Variants in TMEM117 observed in about 807,000 individuals in gnomAD.
TMEM117 encodes the protein transmembrane protein 117.
A neutral mutation model predicts 52.4 loss-of-function variants in TMEM117; 27 were observed. That is an observed-to-expected ratio of 0.51 (90% CI 0.38 to 0.71). The LOEUF is 0.71. TMEM117 is among the 30% of genes least tolerant of loss of function. The pLI is 0.00. For missense variants in TMEM117, 556 were observed against 630.5 expected (o/e 0.88, Z 1.26); for synonymous variants, 215 against 206.3 (o/e 1.04, Z -0.36).
At chr12:44,212,866 A>G (rs775486018) in intron 5 of TMEM117, among the ~76,000 whole-genome samples, 4 of 152,080 alleles carry the variant, frequency 2.6e-5, no homozygotes, top group Admixed American at 2.0e-4. Context: ...TATACACTCT[A>G]TGTTATCTTT....
intron 5 of TMEM117, among the ~76,000 whole-genome samples, chr12:44,213,377 A>G (rs569762270): frequency 2.0e-5 from 3 of 152,338 alleles, no homozygotes; most frequent in Non-Finnish European, 4.4e-5. Context: ...AGAAGAACAT[A>G]CAGTTCTTGG....
At chr12:44,211,088 G>A (rs1355466849) in intron 4 of TMEM117, among the ~76,000 whole-genome samples, 1 of 152,060 alleles carries the variant, frequency 6.6e-6, no homozygotes, top group Non-Finnish European at 1.5e-5. Flanking sequence ...GACTTTAAAT[G>A]TGCTCATTCT....
Position 44,211,399 on chromosome 12 carries a change from T to G in TMEM117, c.608+12T>G. On this transcript the variant is annotated intron_variant, in intron 5 of 7. Transcript: ENST00000266534. ...ATCACTTTATTCTGGTAGGAAATTG[T>G]TTCACTTATTTATTTCTGCCTTGCC... The G allele has an allele frequency of 6.4e-7, 1 of 1,569,384 alleles. No homozygotes were observed. The highest frequency in any genetic ancestry group is 1.1e-5 in the South Asian group (1 of 87,746).
chr12:43,934,373 C>T (rs1944918283), intron 2 of TMEM117, among the ~76,000 whole-genome samples: 1 of 151,952 alleles, frequency 6.6e-6, no homozygotes, highest in South Asian at 2.1e-4. Flanking sequence ...TGGAAAGAGC[C>T]AAATAGTAAT....
chr12:43,967,901 G>T (rs79163779), intron 3 of TMEM117, among the ~76,000 whole-genome samples: 1,599 of 152,312 alleles, frequency 0.01, 27 homozygotes, highest in East Asian at 0.042. Context: ...GTGTGGACAC[G>T]CACACATACA....
chr12:43,931,947 G>A (rs936177861), intron 2 of TMEM117, among the ~76,000 whole-genome samples: 4 of 152,050 alleles, frequency 2.6e-5, no homozygotes, highest in African/African-American at 9.7e-5. Context: ...TGTTTTTATG[G>A]GCGTTTGGTC....
chr12:44,134,750 C>G (rs1948464868), intron 3 of TMEM117, among the ~76,000 whole-genome samples: 1 of 151,950 alleles, frequency 6.6e-6, no homozygotes, highest in Non-Finnish European at 1.5e-5. Context: ...GAACAAAATA[C>G]TCAGAACCAC....
the TMEM117 span, among the ~76,000 whole-genome samples, chr12:43,825,785 A>G: frequency 6.6e-6 from 1 of 152,216 alleles, no homozygotes. Flanking sequence ...CTGGTTTAGT[A>G]GGTAGGGTTC....
At position 44,305,025 on chromosome 12, in the gene TMEM117, T is replaced by A. The variant is rs1347955685; in HGVS notation, c.768+5286T>A. ...AGAGTTGGCTCCTGAGGTTCCTGAC[T>A]CCAGGCCTTGGCTCCTAGATGACAC... On this transcript the variant is annotated intron_variant, in intron 6 of 7. Transcript: ENST00000266534. Among the ~76,000 whole-genome samples the A allele has an allele frequency of 2.0e-5, 3 of 152,132 alleles. No homozygotes were observed. In the East Asian group the frequency reaches 5.8e-4, roughly 29 times the overall value.
chr12:44,216,882 T>A (rs1433940574), intron 5 of TMEM117, among the ~76,000 whole-genome samples: 1 of 152,180 alleles, frequency 6.6e-6, no homozygotes, highest in East Asian at 1.9e-4. Context: ...GTATATTTTT[T>A]AAAGTACTTT....
chr12:43,943,874 A>C (rs1312650911), intron 2 of TMEM117, among the ~76,000 whole-genome samples: 1 of 152,240 alleles, frequency 6.6e-6, no homozygotes, highest in African/African-American at 2.4e-5. Flanking sequence ...TGAACCAAAA[A>C]CATATTTGTA....
chr12:43,818,020 T>C, the TMEM117 span, among the ~76,000 whole-genome samples: 1 of 152,330 alleles, frequency 6.6e-6, no homozygotes, highest in Admixed American at 6.5e-5. Flanking sequence ...CTTGCACTTA[T>C]TTAGCAGCTC....
chr12:44,396,829 G>A, the TMEM117 span, among the ~76,000 whole-genome samples: 3 of 149,876 alleles, frequency 2.0e-5, no homozygotes, highest in Non-Finnish European at 4.4e-5. Context: ...ACTCCAGCCT[G>A]GGCAACAGAG....
At chr12:44,276,449 CAT>C (rs539419080) in intron 5 of TMEM117, among the ~76,000 whole-genome samples, 159 of 152,100 alleles carry the variant, frequency 1.0e-3, no homozygotes, top group African/African-American at 3.7e-3. Context: ...AACTTGAACT[CAT>C]AGAAAAAGAG....
chr12:43,946,583 C>T (rs996006933), intron 3 of TMEM117, among the ~76,000 whole-genome samples: 47 of 152,160 alleles, frequency 3.1e-4, no homozygotes, highest in African/African-American at 1.1e-3. Flanking sequence ...CATGAATTAT[C>T]TCAATTAAAT....
intron 2 of TMEM117, among the ~76,000 whole-genome samples, chr12:43,858,773 A>G (rs976501076): frequency 6.6e-6 from 1 of 152,146 alleles, no homozygotes; most frequent in Non-Finnish European, 1.5e-5. Context: ...CTCAGGGAAG[A>G]GTGTCTTTTA....
intron 3 of TMEM117, among the ~76,000 whole-genome samples, chr12:44,057,089 CA>C (rs1185353900): frequency 6.6e-6 from 1 of 152,110 alleles, no homozygotes; most frequent in Non-Finnish European, 1.5e-5. Flanking sequence ...GGCTGTCTTC[CA>C]TTTGTGTAAC....
intron 5 of TMEM117, among the ~76,000 whole-genome samples, chr12:44,276,892 GTGTGTGTGTGTGTGTA>G (rs916321311): frequency 1.4e-5 from 2 of 145,596 alleles, no homozygotes; most frequent in African/African-American, 2.7e-5. Flanking sequence ...TGAAAAGTTT[GTGTGTGTGTGTGTGTA>G]TGTGTGTGTG....
chr12:43,966,512 GGA>G (rs1394597888), intron 3 of TMEM117, among the ~76,000 whole-genome samples: 2 of 152,136 alleles, frequency 1.3e-5, no homozygotes, highest in Non-Finnish European at 2.9e-5. Flanking sequence ...AAAGCTAGTA[GGA>G]GAGAACAGAG....
Sources: allele counts gnomAD v4.1 joint callset (sites outside exome capture counted in the v4.1 genomes callset), GRCh38; gene constraint gnomAD v4.1.1; transcripts MANE v1.5; gene names NCBI Gene and HGNC (gene_info 2026-07-23, HGNC 2026-07-21).